POLK: variants seen among roughly 807,000 people sequenced by gnomAD.
POLK encodes DNA polymerase kappa, also known as polymerase (DNA directed) kappa.
In POLK, 76 loss-of-function variants were observed where a neutral mutation model predicts 94.0. The observed-to-expected ratio is 0.81, with a 90% CI of 0.67 to 0.98. POLK has a LOEUF of 0.98. Ranked by LOEUF, POLK falls within the 50% of genes least tolerant of loss-of-function variation. POLK has a pLI of 0.00. For missense variants in POLK, 954 were observed against 1,010.1 expected, an observed-to-expected ratio of 0.94 and a Z score of 0.75; for synonymous variants, 349 against 325.4, an observed-to-expected ratio of 1.07 and a Z score of -0.78.
At chr5:75,565,413 T>G (rs1242213508) in intron 3 of POLK, among the ~76,000 whole-genome samples, 1 of 152,198 alleles carries the variant, frequency 6.6e-6, no homozygotes, top group Non-Finnish European at 1.5e-5. Flanking sequence ...CCATCCAGTT[T>G]TGTTCCCTTG....
chr5:75,544,319 C>T (rs376686503), intron 1 of POLK, among the ~76,000 whole-genome samples: 2 of 152,224 alleles, frequency 1.3e-5, no homozygotes, highest in South Asian at 2.1e-4. Context: ...CCCAGGAATT[C>T]AAGTCCAGCC....
the POLK span, among the ~76,000 whole-genome samples, chr5:75,607,488 G>A: frequency 6.7e-6 from 1 of 150,266 alleles, no homozygotes; most frequent in Non-Finnish European, 1.5e-5. Flanking sequence ...AAAAAAAAAG[G>A]AAGTACTGTG....
intron 1 of POLK, among the ~76,000 whole-genome samples, chr5:75,534,377 TG>T (rs1479927281): frequency 6.6e-6 from 1 of 152,164 alleles, no homozygotes; most frequent in Non-Finnish European, 1.5e-5. Flanking sequence ...GACTGTCTCC[TG>T]TATGTCGATG....
chr5:75,560,530 T>G (rs1770916544), intron 3 of POLK, among the ~76,000 whole-genome samples: 1 of 152,200 alleles, frequency 6.6e-6, no homozygotes, highest in Non-Finnish European at 1.5e-5. Flanking sequence ...ATTTGTTTTT[T>G]TATTATACTT....
upstream of POLK, chr5:75,511,386 C>A (rs778363307): frequency 5.4e-5 from 83 of 1,546,496 alleles, no homozygotes; most frequent in South Asian, 9.3e-4. Context: ...CGCCTGACAC[C>A]GAGCGGAGCG....
At chr5:75,606,039 G>T (rs1203302328), downstream of POLK, among the ~76,000 whole-genome samples, 1 of 122,574 alleles carries the variant, frequency 8.2e-6, no homozygotes, top group East Asian at 2.3e-4. Context: ...CAAAGAGGGG[G>T]ATGTGTCAGG....
chr5:75,555,655 A>C (rs141892650), intron 3 of POLK, among the ~76,000 whole-genome samples: 7 of 151,544 alleles, frequency 4.6e-5, no homozygotes, highest in Non-Finnish European at 8.8e-5. Context: ...GGTTCAAGCT[A>C]TTCTCCCTCG....
At chr5:75,589,912 C>G (rs1581095315) in intron 10 of POLK, among the ~76,000 whole-genome samples, 1 of 152,100 alleles carries the variant, frequency 6.6e-6, no homozygotes, top group East Asian at 1.9e-4. Flanking sequence ...ATGAGCCAAC[C>G]CCTTAAATCT....
intron 8 of POLK, among the ~76,000 whole-genome samples, chr5:75,584,044 T>C (rs1443646745): frequency 6.6e-6 from 1 of 152,214 alleles, no homozygotes; most frequent in African/African-American, 2.4e-5. Flanking sequence ...TAATATGTAA[T>C]GATTACTGAC....
At chr5:75,563,008 G>A (rs961063937) in intron 3 of POLK, among the ~76,000 whole-genome samples, 20 of 152,308 alleles carry the variant, frequency 1.3e-4, no homozygotes, top group African/African-American at 4.6e-4. Flanking sequence ...TTTGGTATCA[G>A]GATGATGCTG....
exon 12 of POLK, chr5:75,593,957 C>T (rs1156419023): frequency 1.2e-6 from 2 of 1,606,690 alleles, no homozygotes; most frequent in Non-Finnish European, 1.7e-6. Context: ...TCTGTTGTTT[C>T]TACTGCAGAA....
At chr5:75,531,031 T>C (rs189128056) in intron 1 of POLK, among the ~76,000 whole-genome samples, 3,863 of 151,858 alleles carry the variant, frequency 0.025, 145 homozygotes, top group African/African-American at 0.083. Flanking sequence ...ATGGTCTCGA[T>C]CTCCTGACCT....
chr5:75,512,797 A>G (rs1170008784), intron 1 of POLK: 1 of 152,236 alleles, frequency 6.6e-6, no homozygotes, highest in Non-Finnish European at 1.5e-5. Flanking sequence ...CTTTCTTACT[A>G]CAAGGATGGG....
At chr5:75,574,175 G>A (rs1444462909) in intron 5 of POLK, among the ~76,000 whole-genome samples, 1 of 151,874 alleles carries the variant, frequency 6.6e-6, no homozygotes, top group African/African-American at 2.4e-5. Context: ...TTTTCTTAAT[G>A]TACAATATAC....
intron 11 of POLK, 38 bp from the exon 12 acceptor site, chr5:75,593,840 C>T: frequency 2.4e-6 from 3 of 1,272,120 alleles, no homozygotes; most frequent in African/African-American, 1.5e-5. Context: ...GAGACCCTGT[C>T]TCATAAATAA....
intron 11 of POLK, 179 bp downstream of exon 11, chr5:75,590,619 G>A (rs1772734765): frequency 3.6e-6 from 2 of 558,200 alleles, no homozygotes; most frequent in Non-Finnish European, 6.4e-6. Flanking sequence ...CATATCTGGA[G>A]TCTGTGATGA....
chr5:75,557,894 AT>A (rs1561369610), intron 3 of POLK, among the ~76,000 whole-genome samples: 3 of 152,110 alleles, frequency 2.0e-5, no homozygotes, highest in Non-Finnish European at 4.4e-5. Context: ...GGTTCAAGCA[AT>A]TCTCCTGCCT....
At chr5:75,601,396 ATT>A (rs1218439643), downstream of POLK, among the ~76,000 whole-genome samples, 1 of 151,124 alleles carries the variant, frequency 6.6e-6, no homozygotes, top group East Asian at 1.9e-4. Flanking sequence ...GATGGTTAAT[ATT>A]GAGTGTCAAC....
intron 1 of POLK, among the ~76,000 whole-genome samples, chr5:75,535,262 A>G (rs928149595): frequency 2.0e-5 from 3 of 152,068 alleles, no homozygotes; most frequent in Non-Finnish European, 4.4e-5. Context: ...TTTTTTTTTA[A>G]AGAATGCTGA....
Sources: allele counts gnomAD v4.1 joint callset (sites outside exome capture counted in the v4.1 genomes callset), GRCh38; gene constraint gnomAD v4.1.1; transcripts MANE v1.5; gene names NCBI Gene and HGNC (gene_info 2026-07-23, HGNC 2026-07-21).